Variants in GRIN3A observed in about 807,000 individuals in gnomAD.
The protein encoded by GRIN3A is glutamate ionotropic receptor NMDA type subunit 3A.
In GRIN3A, 47 loss-of-function variants were observed where a neutral mutation model predicts 92.4. That is an observed-to-expected ratio of 0.51 (90% CI 0.40 to 0.65). The LOEUF is 0.65. GRIN3A is among the 30% of genes least tolerant of loss of function. The pLI is 0.00. For missense variants in GRIN3A, 1,324 were observed against 1,393.1 expected (o/e 0.95, Z 0.79); for synonymous variants, 527 against 540.6 (o/e 0.97, Z 0.35).
chr9:101,605,212 G>C (rs1321461853), intron 6 of GRIN3A, among the ~76,000 whole-genome samples: 2 of 152,224 alleles, frequency 1.3e-5, no homozygotes, highest in East Asian at 3.8e-4. Flanking sequence ...TTACAGAAGT[G>C]AAGTGATTTG....
chr9:101,591,253 G>T (rs1372801480), intron 6 of GRIN3A, among the ~76,000 whole-genome samples: 1 of 152,216 alleles, frequency 6.6e-6, no homozygotes, highest in Admixed American at 6.5e-5. Flanking sequence ...CAAAGAGGTG[G>T]AGGCTGCTTG....
At position 101,687,031 on chromosome 9, in the gene GRIN3A, T is replaced by A; in HGVS notation, c.869A>T (p.His290Leu). The change falls in exon 2 of 9, where the codon CAC (histidine) becomes CTC (leucine). Residue 290 changes from histidine to leucine, a missense_variant. By Grantham distance (99) the His-to-Leu change is moderately conservative. Transcript: ENST00000361820. ...GGTGATGTTGATGATAGAACCAAGGTGGAACTTGGAATTATTCTGGGTAAG... is the reference window on the plus strand; with the variant it reads ...GGTGATGTTGATGATAGAACCAAGGAGGAACTTGGAATTATTCTGGGTAAG... ...LLLTQNNSKFHLGSIINITAN... is the reference protein window; with the variant it reads ...LLLTQNNSKFLLGSIINITAN... 1 of 1,614,006 alleles carries A rather than the reference T, an allele frequency of 6.2e-7. No individual in the cohort carries two copies. Among genetic ancestry groups the A allele is most frequent in the Non-Finnish European group, 8.5e-7 (1 of 1,179,958 alleles).
intron 1 of GRIN3A, among the ~76,000 whole-genome samples, chr9:101,696,791 C>T (rs1425780136): frequency 1.3e-5 from 2 of 152,154 alleles, no homozygotes; most frequent in Non-Finnish European, 2.9e-5. Context: ...GCATATGTCA[C>T]ATGCTAATTT....
intron 6 of GRIN3A, among the ~76,000 whole-genome samples, chr9:101,580,164 C>T (rs539500943): frequency 8.8e-4 from 134 of 152,302 alleles, no homozygotes; most frequent in Middle Eastern, 3.4e-3. Flanking sequence ...CCACCCCACT[C>T]AGCATAAATT....
chr9:101,631,710 G>A (rs1828717963), intron 3 of GRIN3A, among the ~76,000 whole-genome samples: 1 of 152,150 alleles, frequency 6.6e-6, no homozygotes, highest in Non-Finnish European at 1.5e-5. Context: ...GAAGGCAAAG[G>A]TTCTGAGGTT....
At chr9:101,603,587 A>T (rs1207657704) in intron 6 of GRIN3A, among the ~76,000 whole-genome samples, 1 of 152,170 alleles carries the variant, frequency 6.6e-6, no homozygotes, top group East Asian at 1.9e-4. Context: ...ACTAGAAAAG[A>T]TGTCCCTGCC....
At chr9:101,595,001 C>T (rs1052448261) in intron 6 of GRIN3A, 41 of 1,394,842 alleles carry the variant, frequency 2.9e-5, no homozygotes, top group Admixed American at 1.4e-4. Flanking sequence ...GGCTCGTGCC[C>T]GGACGGTTGG....
Position 101,639,879 on chromosome 9 carries a change from A to G in GRIN3A, c.2353-11478T>C, listed in dbSNP as rs761835488. ...AATCATCAGACAAACAGAAAGATAA[A>G]CTACTGAATAACAATAAAAAGAAAA... On this transcript the variant is annotated intron_variant, in intron 3 of 8. Transcript: ENST00000361820. 4.2e-4 allele frequency among the ~76,000 whole-genome samples: 64 copies of G among 152,160 alleles called. 1 individual carries two copies. The highest frequency in any genetic ancestry group is 1.6e-3 in the Admixed American group (24 of 15,282).
Position 101,619,448 on chromosome 9 carries a change from A to G in GRIN3A, c.2614+3870T>C, listed in dbSNP as rs528799374. ...GTCTCAATGCATTAATCAATATACT[A>G]TATAATAATAATTTGTTGAGCACTT... On this transcript the variant is annotated intron_variant, in intron 5 of 8. Coordinates refer to ENST00000361820, the MANE Select transcript of GRIN3A (RefSeq NM_133445.3). 1.2e-3 allele frequency among the ~76,000 whole-genome samples: 185 copies of G among 152,346 alleles called. 2 individuals carry two copies. The highest frequency in any genetic ancestry group is 4.1e-3 in the African/African-American group (170 of 41,592).
intron 6 of GRIN3A, among the ~76,000 whole-genome samples, chr9:101,606,761 T>C (rs1828288337): frequency 1.3e-5 from 2 of 152,202 alleles, no homozygotes; most frequent in Non-Finnish European, 2.9e-5. Flanking sequence ...AGTTATCATC[T>C]GGATATTTTA....
At chr9:101,712,094 C>T (rs1829885973) in intron 1 of GRIN3A, among the ~76,000 whole-genome samples, 1 of 152,168 alleles carries the variant, frequency 6.6e-6, no homozygotes, top group Non-Finnish European at 1.5e-5. Flanking sequence ...CTTTCCTCAG[C>T]TCAATGAATG....
rs1829754644 is a variant in GRIN3A, at chr9:101,701,593, A to G, written c.700-14393T>C. On this transcript the variant is annotated intron_variant, in intron 1 of 8. Coordinates refer to ENST00000361820, the MANE Select transcript of GRIN3A (RefSeq NM_133445.3). ...ACCCTAGGAAAACAAACAAACAAAC[A>G]AACAGACAAAAAACCTTGACAATAC... Among the ~76,000 whole-genome samples, 4 of 152,208 alleles carry G rather than the reference A, an allele frequency of 2.6e-5. No homozygotes were observed. In the South Asian group the frequency reaches 8.3e-4, roughly 31 times the overall value.
intron 3 of GRIN3A, among the ~76,000 whole-genome samples, chr9:101,634,982 C>T (rs1320540463): frequency 6.6e-6 from 1 of 152,084 alleles, no homozygotes; most frequent in Non-Finnish European, 1.5e-5. Flanking sequence ...TGAGGTCCAC[C>T]CTGTATTTTT....
At position 101,572,108 on chromosome 9, in the gene GRIN3A, A is replaced by G. The variant is rs950844452; in HGVS notation, c.*1066T>C. On this transcript the variant is annotated 3_prime_UTR_variant, in exon 9 of 9. Transcript: ENST00000361820. ...ATGGGGGATTGACTTGATTTTCTAT[A>G]CAGATATGCAAAGTGCAGGGCAGAT... The G allele has an allele frequency of 6.6e-6, 1 of 152,322 alleles. No individual in the cohort carries two copies. The highest frequency in any genetic ancestry group is 1.9e-4 in the East Asian group (1 of 5,192). 9.4% of individuals were successfully genotyped at this position (152,322 alleles called of 1,614,324 possible). A position where few individuals can be genotyped will look rare whatever the true frequency, so the allele number is the denominator to read the frequency against.
chr9:101,648,563 GTC>G (rs1198895141), intron 3 of GRIN3A, among the ~76,000 whole-genome samples: 2 of 152,010 alleles, frequency 1.3e-5, no homozygotes, highest in Non-Finnish European at 2.9e-5. Context: ...GGATCCTGAA[GTC>G]TCTACTATTA....
At chr9:101,696,023 C>A (rs903329335) in intron 1 of GRIN3A, among the ~76,000 whole-genome samples, 1 of 152,184 alleles carries the variant, frequency 6.6e-6, no homozygotes, top group African/African-American at 2.4e-5. Context: ...AAAGAGAAAG[C>A]CTACCTAGCA....
rs1199461851 is a variant in GRIN3A, at chr9:101,617,797, CT to C, written c.2615-4271del. Among the ~76,000 whole-genome samples the C allele has an allele frequency of 4.5e-3, 642 of 142,090 alleles. 6 individuals are homozygous for C. The highest frequency in any genetic ancestry group is 0.017 in the African/African-American group (615 of 36,530). The allele number at this position is 142,090 out of a possible 152,430, so 93.2% of individuals were successfully genotyped here. A position where few individuals can be genotyped will look rare whatever the true frequency, so the allele number is the denominator to read the frequency against. ...TATCTCCCAATGTTATCCCTCCCCC[CT>C]CCCCCAACCCCACAACAGTCCCCAG... On this transcript the variant is annotated intron_variant, in intron 5 of 8. Transcript: ENST00000361820.
chr9:101,673,551 G>A (rs1049068172), intron 2 of GRIN3A, among the ~76,000 whole-genome samples: 1 of 152,118 alleles, frequency 6.6e-6, no homozygotes, highest in African/African-American at 2.4e-5. Context: ...ATAATCTCAT[G>A]AAAGCTTTAA....
intron 3 of GRIN3A, among the ~76,000 whole-genome samples, chr9:101,638,934 A>G (rs1490626392): frequency 6.6e-6 from 1 of 152,244 alleles, no homozygotes; most frequent in Non-Finnish European, 1.5e-5. Flanking sequence ...TAACTAGCCC[A>G]TAACAATCTG....
Sources: gnomAD v4.1 joint callset for allele counts (sites outside exome capture counted in the v4.1 genomes callset) on GRCh38, gnomAD v4.1.1 for gene constraint, MANE v1.5 for transcripts, NCBI Gene and HGNC (gene_info 2026-07-23, HGNC 2026-07-21) for gene names.